Variants in ATOSA observed in about 807,000 individuals in gnomAD.
The protein encoded by ATOSA is atos homolog protein A.
the ATOSA span, among the ~76,000 whole-genome samples, chr15:52,584,090 GAAAAAAAAAAA>G: frequency 9.5e-5 from 4 of 41,894 alleles, no homozygotes; most frequent in South Asian, 1.8e-3. Flanking sequence ...GTCTCAAGAA[GAAAAAAAAAAA>G]AAAAAAAAAG....
chr15:52,607,503 C>T, the ATOSA span, among the ~76,000 whole-genome samples: 1 of 152,060 alleles, frequency 6.6e-6, no homozygotes, highest in Admixed American at 6.6e-5. Context: ...TAGAAAGGAG[C>T]CTGGATTAGG....
chr15:52,605,421 A>G, the ATOSA span, among the ~76,000 whole-genome samples: 1 of 152,162 alleles, frequency 6.6e-6, no homozygotes, highest in Middle Eastern at 3.2e-3. Context: ...AGAAGTGTTT[A>G]GAAGTTTGGA....
chr15:52,703,698 G>T, the ATOSA span, among the ~76,000 whole-genome samples: 17 of 151,994 alleles, frequency 1.1e-4, no homozygotes, highest in African/African-American at 3.9e-4. Flanking sequence ...GTTAGGGGGT[G>T]GGGGGCTAGG....
the ATOSA span, among the ~76,000 whole-genome samples, chr15:52,615,873 G>A: frequency 6.6e-6 from 1 of 152,204 alleles, no homozygotes; most frequent in Non-Finnish European, 1.5e-5. Flanking sequence ...TCTAGAAGGT[G>A]AGGACTATTA....
the ATOSA span, among the ~76,000 whole-genome samples, chr15:52,701,303 G>A: frequency 1.3e-5 from 2 of 152,370 alleles, no homozygotes; most frequent in South Asian, 4.1e-4. Context: ...ACCAGGCATG[G>A]TGGTCTGAGC....
the ATOSA span, among the ~76,000 whole-genome samples, chr15:52,659,022 T>C: frequency 6.6e-6 from 1 of 151,900 alleles, no homozygotes; most frequent in African/African-American, 2.4e-5. Flanking sequence ...GAGTGTACAA[T>C]TTCTGTAAGT....
the ATOSA span, among the ~76,000 whole-genome samples, chr15:52,621,440 T>C: frequency 4.6e-5 from 7 of 152,268 alleles, no homozygotes; most frequent in African/African-American, 1.4e-4. Context: ...CCCAGTGTCA[T>C]ATATTTTTAA....
At chr15:52,706,161 A>T in the ATOSA span, among the ~76,000 whole-genome samples, 1 of 152,222 alleles carries the variant, frequency 6.6e-6, no homozygotes, top group South Asian at 2.1e-4. Flanking sequence ...TTTTGGAAGG[A>T]TATTAATGTT....
the ATOSA span, among the ~76,000 whole-genome samples, chr15:52,664,826 T>A: frequency 1.3e-5 from 2 of 152,014 alleles, no homozygotes; most frequent in Non-Finnish European, 2.9e-5. Flanking sequence ...TAGTTTTAGT[T>A]GCTTGGGAGG....
chr15:52,667,301 G>A, the ATOSA span, among the ~76,000 whole-genome samples: 1 of 152,078 alleles, frequency 6.6e-6, no homozygotes, highest in South Asian at 2.1e-4. Context: ...ATATTCTTAT[G>A]GCATACTCCA....
At chr15:52,687,528 GAAAGA>G in the ATOSA span, among the ~76,000 whole-genome samples, 7 of 152,238 alleles carry the variant, frequency 4.6e-5, no homozygotes, top group Non-Finnish European at 8.8e-5. Flanking sequence ...GCCTGCTAAG[GAAAGA>G]AAAGAACATA....
the ATOSA span, among the ~76,000 whole-genome samples, chr15:52,583,256 G>A: frequency 1.3e-5 from 2 of 152,220 alleles, no homozygotes; most frequent in Non-Finnish European, 2.9e-5. Context: ...ACTCTGGCCA[G>A]TATTGGTTTT....
the ATOSA span, among the ~76,000 whole-genome samples, chr15:52,666,801 T>G: frequency 6.6e-6 from 1 of 152,152 alleles, no homozygotes; most frequent in Admixed American, 6.5e-5. Flanking sequence ...TATATTCCTG[T>G]TGGGGAGAGG....
At chr15:52,608,939 T>C in the ATOSA span, 2 of 1,607,154 alleles carry the variant, frequency 1.2e-6, no homozygotes, top group Non-Finnish European at 1.7e-6. Flanking sequence ...TTTATTATTT[T>C]TTCCTTATAC....
the ATOSA span, chr15:52,587,268 T>C: frequency 7.0e-7 from 1 of 1,435,306 alleles, no homozygotes; most frequent in Non-Finnish European, 9.6e-7. Flanking sequence ...CATATGTACA[T>C]AAAAGACTAA....
the ATOSA span, among the ~76,000 whole-genome samples, chr15:52,633,299 C>A: frequency 3.3e-5 from 5 of 152,162 alleles, no homozygotes; most frequent in African/African-American, 1.2e-4. Context: ...TCAGCCAGGA[C>A]AGAGTAACAG....
chr15:52,620,873 G>A, the ATOSA span, among the ~76,000 whole-genome samples: 3 of 152,172 alleles, frequency 2.0e-5, no homozygotes, highest in Non-Finnish European at 2.9e-5. Flanking sequence ...GGAGGTTGAG[G>A]CTGCGGTGAG....
At chr15:52,638,079 A>G in the ATOSA span, among the ~76,000 whole-genome samples, 2 of 152,228 alleles carry the variant, frequency 1.3e-5, no homozygotes, top group African/African-American at 4.8e-5. Flanking sequence ...CACTAAGTAT[A>G]TTAGGTATAG....
At chr15:52,667,265 C>A in the ATOSA span, among the ~76,000 whole-genome samples, 34 of 152,318 alleles carry the variant, frequency 2.2e-4, 1 homozygote, top group East Asian at 4.2e-3. Context: ...ATTAGCTGTT[C>A]TATTTACATG....
Sources: allele counts gnomAD v4.1 joint callset (sites outside exome capture counted in the v4.1 genomes callset), GRCh38; gene constraint gnomAD v4.1.1; transcripts MANE v1.5; gene names NCBI Gene and HGNC (gene_info 2026-07-23, HGNC 2026-07-21).